The following TRPC7 variants were observed in gnomAD, a reference collection of about 807,000 sequenced individuals.
TRPC7 encodes transient receptor potential cation channel subfamily C member 7.
Under a neutral mutation model 90.1 loss-of-function variants are expected in TRPC7, and 42 were observed. That is an observed-to-expected ratio of 0.47 (90% confidence interval 0.36 to 0.60). The LOEUF is 0.60. Among genes scored for constraint, TRPC7 ranks in the 20% least tolerant of loss-of-function variants. The probability of loss-of-function intolerance (pLI) is 0.00; values close to 1 mark genes in which losing one functional copy is unlikely to be tolerated. For missense variants in TRPC7, 955 were observed against 1,112.3 expected, an observed-to-expected ratio of 0.86 and a Z score of 2.01; for synonymous variants, 451 against 436.3, an observed-to-expected ratio of 1.03 and a Z score of -0.42.
At chr5:136,248,786 G>A (rs1291919773) in intron 6 of TRPC7, among the ~76,000 whole-genome samples, 1 of 152,196 alleles carries the variant, frequency 6.6e-6, no homozygotes, top group East Asian at 1.9e-4. Context: ...AGTTCTAATG[G>A]TACAAGGAGC....
intron 3 of TRPC7, among the ~76,000 whole-genome samples, chr5:136,302,672 A>G (rs1580927216): frequency 6.6e-6 from 1 of 152,190 alleles, no homozygotes. Context: ...TTCTTCTGCA[A>G]TGCTGCTTGA....
At chr5:136,317,127 T>C (rs1759049355) in intron 2 of TRPC7, among the ~76,000 whole-genome samples, 1 of 152,218 alleles carries the variant, frequency 6.6e-6, no homozygotes, top group Non-Finnish European at 1.5e-5. Context: ...CATTTTTATA[T>C]ATAATTTAGG....
chr5:136,267,713 A>G (rs1341518314), intron 4 of TRPC7, among the ~76,000 whole-genome samples: 5 of 152,254 alleles, frequency 3.3e-5, no homozygotes, highest in African/African-American at 9.6e-5. Context: ...TTCTGATGCT[A>G]TAGAACCCAT....
chr5:136,289,928 C>T (rs930898000), intron 3 of TRPC7, among the ~76,000 whole-genome samples: 2 of 152,192 alleles, frequency 1.3e-5, no homozygotes, highest in African/African-American at 4.8e-5. Flanking sequence ...CGGCCAGGTA[C>T]TCCTCTGAGA....
At chr5:136,310,366 G>T (rs1758787452) in intron 3 of TRPC7, among the ~76,000 whole-genome samples, 1 of 152,164 alleles carries the variant, frequency 6.6e-6, no homozygotes, top group South Asian at 2.1e-4. Context: ...TGAAGGAAAA[G>T]GGAACTATGT....
chr5:136,224,788 C>T (rs1044321362), intron 10 of TRPC7, among the ~76,000 whole-genome samples: 1 of 152,214 alleles, frequency 6.6e-6, no homozygotes, highest in Admixed American at 6.5e-5. Flanking sequence ...TCACTCCCTC[C>T]ACCCTCTGCT....
chr5:136,336,007 C>G (rs550032996), intron 2 of TRPC7, among the ~76,000 whole-genome samples: 1 of 151,712 alleles, frequency 6.6e-6, no homozygotes, highest in East Asian at 1.9e-4. Flanking sequence ...TCCCACAAAC[C>G]CAACTTCCCT....
At position 136,273,101 on chromosome 5, in the gene TRPC7, C is replaced by T. The variant is rs1757256871; in HGVS notation, c.1128+1572G>A. On this transcript the variant is annotated intron_variant, in intron 4 of 11. Coordinates refer to ENST00000513104, the MANE Select transcript of TRPC7 (RefSeq NM_020389.3). ...GCTTTGCAGCAAAAGTGAGGATTGG[C>T]AGCGCTTTCTCCACAAAGTTGCTGT... Among the ~76,000 whole-genome samples, 2 of 152,192 alleles carry T rather than the reference C, an allele frequency of 1.3e-5. 1 individual carries two copies. Among genetic ancestry groups the T allele is most frequent in the African/African-American group, 4.8e-5 (2 of 41,424 alleles).
intron 10 of TRPC7, among the ~76,000 whole-genome samples, chr5:136,224,909 G>A (rs1409468276): frequency 1.3e-5 from 2 of 152,176 alleles, no homozygotes; most frequent in African/African-American, 4.8e-5. Context: ...TTCTCTCCTT[G>A]AAGATGTCCT....
intron 3 of TRPC7, among the ~76,000 whole-genome samples, chr5:136,277,957 C>T (rs146623978): frequency 6.4e-4 from 97 of 152,250 alleles, no homozygotes; most frequent in African/African-American, 2.1e-3. Context: ...ATGGCTGGAG[C>T]GGAGAATCTG....
At chr5:136,265,337 G>A (rs1421710331) in intron 5 of TRPC7, among the ~76,000 whole-genome samples, 1 of 151,892 alleles carries the variant, frequency 6.6e-6, no homozygotes, top group Non-Finnish European at 1.5e-5. Flanking sequence ...TGTTTTTCTT[G>A]TTTTACTGAA....
At chr5:136,224,081 G>A (rs536947809) in intron 10 of TRPC7, among the ~76,000 whole-genome samples, 1 of 152,316 alleles carries the variant, frequency 6.6e-6, no homozygotes, top group East Asian at 1.9e-4. Context: ...TTAGAGACCT[G>A]TATCTAAAAG....
At chr5:136,229,537 T>C (rs865848129) in intron 8 of TRPC7, among the ~76,000 whole-genome samples, 11 of 152,172 alleles carry the variant, frequency 7.2e-5, no homozygotes, top group Middle Eastern at 3.4e-3. Flanking sequence ...GTCACGAGGA[T>C]GGGGCCCCGA....
intron 3 of TRPC7, among the ~76,000 whole-genome samples, chr5:136,291,883 TAGTTGGAAGTA>T (rs1757970903): frequency 6.6e-6 from 1 of 152,096 alleles, no homozygotes; most frequent in African/African-American, 2.4e-5. Flanking sequence ...ATTGACCACA[TAGTTGGAAGTA>T]AAGCACTCCT....
chr5:136,365,224 A>T, intron 1 of TRPC7, 29 bp downstream of exon 1: 1 of 1,533,926 alleles, frequency 6.5e-7, no homozygotes, highest in South Asian at 1.2e-5. Flanking sequence ...AAAAAAAATC[A>T]ATATGAAAGA....
chr5:136,303,710 C>T (rs2149833021), intron 3 of TRPC7: 1 of 152,172 alleles, frequency 6.6e-6, no homozygotes, highest in Admixed American at 6.5e-5. Context: ...GTAGCCACTT[C>T]CAGAGCCCCT....
intron 7 of TRPC7, among the ~76,000 whole-genome samples, chr5:136,240,586 C>T (rs1756130427): frequency 6.6e-6 from 1 of 152,168 alleles, no homozygotes; most frequent in African/African-American, 2.4e-5. Context: ...AGTTAGTATG[C>T]TCTTTTTCAG....
At chr5:136,287,247 T>G (rs1757750279) in intron 3 of TRPC7, among the ~76,000 whole-genome samples, 2 of 152,230 alleles carry the variant, frequency 1.3e-5, no homozygotes. Context: ...GAGAGCTCTG[T>G]GTTCTGGTGG....
intron 7 of TRPC7, among the ~76,000 whole-genome samples, chr5:136,242,793 CAG>C (rs1439200856): frequency 2.0e-5 from 3 of 152,142 alleles, no homozygotes; most frequent in Non-Finnish European, 1.5e-5. Flanking sequence ...CTACTATAAT[CAG>C]ACTCTCTAAG....
Sources: gnomAD v4.1 joint callset for allele counts (sites outside exome capture counted in the v4.1 genomes callset) on GRCh38, gnomAD v4.1.1 for gene constraint, MANE v1.5 for transcripts, NCBI Gene and HGNC (gene_info 2026-07-23, HGNC 2026-07-21) for gene names.